Variants in INPP4B observed in about 807,000 individuals in gnomAD.
The protein encoded by INPP4B is inositol polyphosphate 4-phosphatase type II.
In INPP4B, 55 loss-of-function variants were observed where a neutral mutation model predicts 122.5. The observed-to-expected ratio is 0.45, with a 90% CI of 0.36 to 0.56. The LOEUF is 0.56. Ranked by LOEUF, INPP4B falls within the 20% of genes least tolerant of loss-of-function variation. INPP4B has a pLI of 0.00. For missense variants in INPP4B, 1,000 were observed against 1,097.7 expected, an observed-to-expected ratio of 0.91 and a Z score of 1.26; for synonymous variants, 403 against 388.7, an observed-to-expected ratio of 1.04 and a Z score of -0.43.
chr4:142,757,870 C>T (rs953978508), intron 1 of INPP4B, among the ~76,000 whole-genome samples: 5 of 152,134 alleles, frequency 3.3e-5, no homozygotes, highest in Non-Finnish European at 7.3e-5. Flanking sequence ...GTATTTTCAC[C>T]AGCAATGAAT....
At chr4:142,454,796 T>C (rs1371719626) in intron 3 of INPP4B, among the ~76,000 whole-genome samples, 1 of 152,028 alleles carries the variant, frequency 6.6e-6, no homozygotes, top group Non-Finnish European at 1.5e-5. Flanking sequence ...AATTCATACA[T>C]GCAAAGTTGT....
chr4:142,107,681 T>G lies in INPP4B; in HGVS notation c.2374+412A>C, dbSNP rs1222167340. Among the ~76,000 whole-genome samples the G allele has an allele frequency of 2.6e-5, 4 of 152,204 alleles. 1 individual carries two copies. The highest frequency in any genetic ancestry group is 5.9e-5 in the Non-Finnish European group (4 of 68,046). ...TAATATTATTTTGTTCAACTGGTATTATATCTGATGTTCTCCTGCATGTGT... is the reference window on the plus strand; with the variant it reads ...TAATATTATTTTGTTCAACTGGTATGATATCTGATGTTCTCCTGCATGTGT... On this transcript the variant is annotated intron_variant, in intron 23 of 25. Coordinates refer to ENST00000262992, the MANE Select transcript of INPP4B (RefSeq NM_001101669.3).
At chr4:142,092,271 A>T (rs1271367796) in intron 23 of INPP4B, among the ~76,000 whole-genome samples, 3 of 152,112 alleles carry the variant, frequency 2.0e-5, no homozygotes, top group Admixed American at 6.6e-5. Context: ...ATGATAAAAT[A>T]CAAAGGAGAT....
chr4:142,259,158 A>C (rs1249940934), intron 11 of INPP4B, among the ~76,000 whole-genome samples: 1 of 135,580 alleles, frequency 7.4e-6, no homozygotes, highest in African/African-American at 2.8e-5. Flanking sequence ...GAACAATGAG[A>C]TCACATGGAC....
chr4:142,690,121 T>G (rs1759954407), intron 2 of INPP4B, among the ~76,000 whole-genome samples: 1 of 152,170 alleles, frequency 6.6e-6, no homozygotes, highest in African/African-American at 2.4e-5. Flanking sequence ...GCACCATGAC[T>G]TCAAGTCAGG....
chr4:142,054,765 T>C (rs1756705428), intron 25 of INPP4B, among the ~76,000 whole-genome samples: 1 of 152,098 alleles, frequency 6.6e-6, no homozygotes, highest in African/African-American at 2.4e-5. Context: ...TGACAGCTAA[T>C]GGCATTGTTG....
At chr4:142,096,444 G>A (rs1781823417) in intron 23 of INPP4B, among the ~76,000 whole-genome samples, 1 of 152,142 alleles carries the variant, frequency 6.6e-6, no homozygotes, top group African/African-American at 2.4e-5. Flanking sequence ...CTTTGTATAT[G>A]TATATGTGTG....
intron 2 of INPP4B, among the ~76,000 whole-genome samples, chr4:142,594,960 A>T (rs1408346334): frequency 1.3e-5 from 2 of 150,938 alleles, no homozygotes; most frequent in East Asian, 3.9e-4. Context: ...GTCTCAAAAA[A>T]AAAAAAAAAA....
At chr4:142,121,178 G>C (rs1211318179) in intron 21 of INPP4B, among the ~76,000 whole-genome samples, 3 of 151,984 alleles carry the variant, frequency 2.0e-5, no homozygotes, top group African/African-American at 7.3e-5. Context: ...CAAATGAATG[G>C]CAAGTTAAGC....
At chr4:142,509,980 C>A (rs1824506469) in intron 2 of INPP4B, among the ~76,000 whole-genome samples, 1 of 152,136 alleles carries the variant, frequency 6.6e-6, no homozygotes, top group Admixed American at 6.5e-5. Context: ...TAAATGGCAT[C>A]TAATTAAGTC....
At chr4:142,835,649 A>G (rs2053162853) in intron 1 of INPP4B, among the ~76,000 whole-genome samples, 1 of 152,364 alleles carries the variant, frequency 6.6e-6, no homozygotes, top group South Asian at 2.1e-4. Flanking sequence ...ACAAAATATC[A>G]CACTGAGCAA....
At chr4:142,248,263 TAAGA>T (rs1239353417) in intron 11 of INPP4B, among the ~76,000 whole-genome samples, 1 of 151,602 alleles carries the variant, frequency 6.6e-6, no homozygotes, top group Non-Finnish European at 1.5e-5. Flanking sequence ...CCATGAGATT[TAAGA>T]AAGAAAAGCA....
At chr4:142,376,918 T>C (rs1371159120) in intron 7 of INPP4B, among the ~76,000 whole-genome samples, 3 of 152,068 alleles carry the variant, frequency 2.0e-5, no homozygotes, top group Non-Finnish European at 4.4e-5. Context: ...TAATGAAGTT[T>C]TAAATCATTT....
intron 1 of INPP4B, among the ~76,000 whole-genome samples, chr4:142,755,691 T>G (rs1770402369): frequency 6.6e-6 from 1 of 152,022 alleles, no homozygotes; most frequent in Non-Finnish European, 1.5e-5. Context: ...TAAAGAGAAA[T>G]AAAATAACAT....
chr4:142,825,718 C>A (rs1205619083), intron 1 of INPP4B, among the ~76,000 whole-genome samples: 1 of 151,620 alleles, frequency 6.6e-6, no homozygotes, highest in Non-Finnish European at 1.5e-5. Context: ...CTAGGTTGAA[C>A]TTTAAAGTAT....
chr4:142,835,455 A>G (rs1782664656), intron 1 of INPP4B, among the ~76,000 whole-genome samples: 1 of 152,218 alleles, frequency 6.6e-6, no homozygotes, highest in Admixed American at 6.5e-5. Context: ...TAAGAAATAC[A>G]TAAACAGCTT....
chr4:142,790,044 C>T (rs1353389304), intron 1 of INPP4B, among the ~76,000 whole-genome samples: 1 of 152,092 alleles, frequency 6.6e-6, no homozygotes, highest in Non-Finnish European at 1.5e-5. Context: ...GAGAATGAAA[C>T]TGGATCCTCA....
chr4:142,040,321 G>A (rs142682369), intron 25 of INPP4B, among the ~76,000 whole-genome samples: 9 of 152,280 alleles, frequency 5.9e-5, no homozygotes, highest in Admixed American at 2.6e-4. Context: ...AGATTCTCCT[G>A]TATTGAGTTA....
intron 1 of INPP4B, among the ~76,000 whole-genome samples, chr4:142,837,363 T>A (rs539306050): frequency 1.3e-5 from 2 of 152,134 alleles, no homozygotes; most frequent in Non-Finnish European, 1.5e-5. Context: ...TCTTGTTACA[T>A]GGATATATTG....
Sources: gnomAD v4.1 joint callset for allele counts (sites outside exome capture counted in the v4.1 genomes callset) on GRCh38, gnomAD v4.1.1 for gene constraint, MANE v1.5 for transcripts, NCBI Gene and HGNC (gene_info 2026-07-23, HGNC 2026-07-21) for gene names.